Variants in PPP1R9A observed in about 807,000 individuals in gnomAD.
PPP1R9A encodes the protein protein phosphatase 1 regulatory subunit 9A, also known as neurabin-1.
Under a neutral mutation model 141.9 loss-of-function variants are expected in PPP1R9A, and 59 were observed. The observed-to-expected ratio is 0.42, with a 90% CI of 0.34 to 0.52. The LOEUF (loss-of-function observed/expected upper bound fraction) is 0.52, where lower values mean the gene tolerates loss of function less well. Ranked by LOEUF, PPP1R9A falls within the 20% of genes least tolerant of loss-of-function variation. The pLI, the probability that PPP1R9A is intolerant of heterozygous loss-of-function variation, is 0.10. For missense variants in PPP1R9A, 1,444 were observed against 1,611.9 expected, an observed-to-expected ratio of 0.90 and a Z score of 1.78; for synonymous variants, 500 against 569.7, an observed-to-expected ratio of 0.88 and a Z score of 1.74.
intron 2 of PPP1R9A, among the ~76,000 whole-genome samples, chr7:95,033,645 G>A (rs1808022740): frequency 6.6e-6 from 1 of 151,968 alleles, no homozygotes; most frequent in Admixed American, 6.6e-5. Flanking sequence ...TATTTTGCTT[G>A]TGTTCACATT....
chr7:95,168,031 A>G (rs1271822569), intron 5 of PPP1R9A, among the ~76,000 whole-genome samples: 1 of 152,172 alleles, frequency 6.6e-6, no homozygotes, highest in African/African-American at 2.4e-5. Flanking sequence ...TTTTCACAGA[A>G]ATAGAAAAAA....
At chr7:95,234,312 A>G (rs993955463) in intron 8 of PPP1R9A, among the ~76,000 whole-genome samples, 9 of 152,214 alleles carry the variant, frequency 5.9e-5, no homozygotes, top group African/African-American at 2.2e-4. Context: ...TAGAACTGGT[A>G]AATGAATTCA....
At chr7:95,216,054 A>G (rs957400295) in intron 7 of PPP1R9A, among the ~76,000 whole-genome samples, 1 of 152,106 alleles carries the variant, frequency 6.6e-6, no homozygotes, top group Non-Finnish European at 1.5e-5. Flanking sequence ...GCCCATGCCT[A>G]TGTTCTGAAT....
chr7:95,058,643 C>T (rs1811808710), intron 2 of PPP1R9A, among the ~76,000 whole-genome samples: 1 of 152,040 alleles, frequency 6.6e-6, no homozygotes, highest in African/African-American at 2.4e-5. Context: ...GTCAAATGTG[C>T]TGAAGCTGTT....
Position 95,288,696 on chromosome 7 carries a change from A to T in PPP1R9A, c.3890A>T (p.Gln1297Leu), listed in dbSNP as rs771994423. 6.2e-7 allele frequency: 1 copy of T among 1,613,974 alleles called. No homozygotes were observed. The highest frequency in any genetic ancestry group is 8.5e-7 in the Non-Finnish European group (1 of 1,179,974). Residue 1297 changes from glutamine to leucine, a missense_variant, in exon 19 of 20, where the codon CAG (glutamine) becomes CTG (leucine). Transcript: ENST00000433360. ...AQNITGEQLLQLDGNKLKALG... is the reference protein window; with the variant it reads ...AQNITGEQLLLLDGNKLKALG... The stretch of plus-strand genomic sequence containing the variant: ...AACATCACTGGAGAACAGCTCCTGC[A>T]GTTGGATGGAAATAAACTTAAGGTA...
intron 3 of PPP1R9A, among the ~76,000 whole-genome samples, chr7:95,112,615 A>T (rs977395656): frequency 4.6e-5 from 7 of 152,154 alleles, no homozygotes; most frequent in Non-Finnish European, 1.0e-4. Flanking sequence ...TGTATGTTTA[A>T]CAGAATACTA....
chr7:95,045,520 A>G (rs1193666351), intron 2 of PPP1R9A, among the ~76,000 whole-genome samples: 1 of 152,202 alleles, frequency 6.6e-6, no homozygotes, highest in Non-Finnish European at 1.5e-5. Flanking sequence ...TTTCAGTGGA[A>G]TGCCCCTGGA....
intron 8 of PPP1R9A, among the ~76,000 whole-genome samples, chr7:95,236,057 G>A (rs1796634589): frequency 6.6e-6 from 1 of 152,054 alleles, no homozygotes. Flanking sequence ...CTCAGGTGAT[G>A]GGTTTACCAA....
intron 2 of PPP1R9A, among the ~76,000 whole-genome samples, chr7:95,039,652 G>C (rs1258357596): frequency 6.6e-6 from 1 of 151,750 alleles, no homozygotes; most frequent in Non-Finnish European, 1.5e-5. Flanking sequence ...GACTTGATAA[G>C]GATGAGGAAA....
chr7:95,073,772 C>T (rs999405831), intron 2 of PPP1R9A, among the ~76,000 whole-genome samples: 1 of 151,218 alleles, frequency 6.6e-6, no homozygotes, highest in Admixed American at 6.6e-5. Flanking sequence ...TTGGTAGAGA[C>T]AGTCTTGCTG....
intron 2 of PPP1R9A, among the ~76,000 whole-genome samples, chr7:94,913,257 G>A (rs1791669299): frequency 6.6e-6 from 1 of 152,006 alleles, no homozygotes; most frequent in African/African-American, 2.4e-5. Context: ...GGATTTTAAA[G>A]GATTTATCAT....
At chr7:95,274,335 A>G (rs546397438) in intron 16 of PPP1R9A, among the ~76,000 whole-genome samples, 167 bp downstream of exon 16, 2 of 152,350 alleles carry the variant, frequency 1.3e-5, no homozygotes, top group East Asian at 3.9e-4. Flanking sequence ...TCTTACTCCA[A>G]TTATAGCCTC....
intron 2 of PPP1R9A, among the ~76,000 whole-genome samples, chr7:94,960,681 A>T (rs1797538266): frequency 6.6e-6 from 1 of 151,784 alleles, no homozygotes; most frequent in African/African-American, 2.4e-5. Flanking sequence ...GGAGACTGTT[A>T]TTCAGTAAAG....
chr7:95,084,249 C>G (rs1816308571), intron 2 of PPP1R9A, among the ~76,000 whole-genome samples: 1 of 151,946 alleles, frequency 6.6e-6, no homozygotes, highest in South Asian at 2.1e-4. Context: ...AGAAGTCAGT[C>G]TGTTGCTATT....
chr7:95,039,142 T>C (rs1184951148), intron 2 of PPP1R9A, among the ~76,000 whole-genome samples: 2 of 152,140 alleles, frequency 1.3e-5, no homozygotes, highest in Non-Finnish European at 2.9e-5. Flanking sequence ...TTATCATAGA[T>C]GACACAGAGG....
At chr7:95,002,717 C>A (rs1022040945) in intron 2 of PPP1R9A, among the ~76,000 whole-genome samples, 9 of 152,162 alleles carry the variant, frequency 5.9e-5, no homozygotes, top group African/African-American at 4.8e-5. Flanking sequence ...AGGAAGAAAT[C>A]ATGATTTGTC....
At chr7:95,111,226 C>A (rs79585832) in intron 2 of PPP1R9A, 33 bp from the exon 3 acceptor site, 288 of 1,204,032 alleles carry the variant, frequency 2.4e-4, no homozygotes, top group East Asian at 5.5e-4. Context: ...TTTTTTTTTT[C>A]TGTATTATCA....
At chr7:95,022,508 A>G (rs1806129376) in intron 2 of PPP1R9A, among the ~76,000 whole-genome samples, 2 of 152,202 alleles carry the variant, frequency 1.3e-5, no homozygotes, top group East Asian at 3.9e-4. Context: ...AGAACTTCCA[A>G]TACTATATTG....
intron 2 of PPP1R9A, among the ~76,000 whole-genome samples, chr7:94,983,537 G>A (rs1563080231): frequency 6.6e-6 from 1 of 152,022 alleles, no homozygotes; most frequent in Non-Finnish European, 1.5e-5. Flanking sequence ...CCTTGAAGAG[G>A]TCGTTCACAT....
Sources: gnomAD v4.1 joint callset for allele counts (sites outside exome capture counted in the v4.1 genomes callset) on GRCh38, gnomAD v4.1.1 for gene constraint, MANE v1.5 for transcripts, NCBI Gene and HGNC (gene_info 2026-07-23, HGNC 2026-07-21) for gene names.